Variants in HOMER1 observed in about 807,000 individuals in gnomAD.
HOMER1 encodes homer protein homolog 1.
In HOMER1, 3 loss-of-function variants were observed where a neutral mutation model predicts 48.9. The ratio of observed to expected loss-of-function variants is 0.06; its 90% CI spans 0.03 to 0.16. HOMER1 has a LOEUF of 0.16. Among genes scored for constraint, HOMER1 ranks in the 10% least tolerant of loss-of-function variants. The pLI is 1.00. For synonymous variants in HOMER1, 134 were observed against 146.4 expected (o/e 0.92, Z 0.61); for missense variants, 247 against 411.4 (o/e 0.60, Z 3.46).
intron 8 of HOMER1, 36 bp from the exon 9 acceptor site, chr5:79,376,233 A>G: frequency 6.8e-7 from 1 of 1,463,362 alleles, no homozygotes; most frequent in Middle Eastern, 1.8e-4. Flanking sequence ...ATATATGTCA[A>G]TTCATCACTT....
chr5:79,410,418 G>A (rs1749785852), intron 5 of HOMER1, among the ~76,000 whole-genome samples: 1 of 151,394 alleles, frequency 6.6e-6, no homozygotes, highest in African/African-American at 2.4e-5. Context: ...TTGAACCCAG[G>A]AGGCGGAGGC....
Position 79,512,879 on chromosome 5 carries a change from C to G in HOMER1, c.-105G>C, listed in dbSNP as rs542608832. 3.0e-4 allele frequency: 295 copies of G among 996,868 alleles called. 2 individuals are homozygous for G. The highest frequency in any genetic ancestry group is 1.3e-3 in the South Asian group (101 of 75,560). The allele number at this position is 996,868 out of a possible 1,614,324, so 61.8% of individuals were successfully genotyped here. A position where few individuals can be genotyped will look rare whatever the true frequency, so the allele number is the denominator to read the frequency against. The stretch of plus-strand genomic sequence containing the variant: ...TTTCGCAGTTGCTTTTCCACCCCCA[C>G]CCCCAGATCCTTGTCCGGAGGTATT... On this transcript the variant is annotated 5_prime_UTR_variant, in exon 1 of 9. Transcript: ENST00000334082.
At chr5:79,395,882 T>G (rs1268498643) in intron 8 of HOMER1, among the ~76,000 whole-genome samples, 1 of 152,228 alleles carries the variant, frequency 6.6e-6, no homozygotes, top group Non-Finnish European at 1.5e-5. Flanking sequence ...TCCGATATGT[T>G]GCAAGCACTC....
rs572216177 is a variant in HOMER1 at position 79,426,359 on chromosome 5, A to C, written c.527+12651T>G. On this transcript the variant is annotated intron_variant, in intron 5 of 8. Transcript: ENST00000334082. Reference sequence around the variant, plus strand: ...ACTATTCATAACAGTCAAGACATAGAATCAACCTAAGTGTCCACCAATGAA... The same window carrying C: ...ACTATTCATAACAGTCAAGACATAGCATCAACCTAAGTGTCCACCAATGAA... Among the ~76,000 whole-genome samples the C allele has an allele frequency of 5.3e-5, 8 of 152,246 alleles. No individual in the cohort carries two copies. The South Asian group carries it at 1.7e-3, about 32-fold the overall frequency.
chr5:79,417,201 G>A (rs1462797337), intron 5 of HOMER1, among the ~76,000 whole-genome samples: 1 of 151,506 alleles, frequency 6.6e-6, no homozygotes, highest in Non-Finnish European at 1.5e-5. Flanking sequence ...GGAGTGCAGT[G>A]GTGCAATCTC....
chr5:79,468,132 G>A (rs9654435), intron 1 of HOMER1, among the ~76,000 whole-genome samples: 40,425 of 152,050 alleles, frequency 0.27, 5,500 homozygotes, highest in South Asian at 0.39. Context: ...ACACTATCCA[G>A]TATGGTAGCC....
chr5:79,384,758 A>T (rs1749066540), intron 8 of HOMER1, among the ~76,000 whole-genome samples: 1 of 152,212 alleles, frequency 6.6e-6, no homozygotes, highest in South Asian at 2.1e-4. Context: ...ACAAAATACC[A>T]GCCAACTGAA....
intron 5 of HOMER1, among the ~76,000 whole-genome samples, chr5:79,422,711 G>A (rs1750134610): frequency 6.6e-6 from 1 of 151,704 alleles, no homozygotes; most frequent in African/African-American, 2.4e-5. Flanking sequence ...TTAATGAATA[G>A]ACTTCTATAC....
chr5:79,451,043 G>A lies in HOMER1; in HGVS notation c.241C>T (p.Arg81Trp), dbSNP rs1275225615. The A allele has an allele frequency of 1.9e-6, 3 of 1,613,808 alleles. No homozygotes were observed. Among genetic ancestry groups the A allele is most frequent in the Non-Finnish European group, 2.5e-6 (3 of 1,179,782 alleles). ...SQKFGQWADS[R>W]ANTVYGLGFS... ...CCCAATCCATAAACGGTGTTTGCCC[G>A]GCTATCAGCCCACTGGCCAAACTTC... The change falls in exon 3 of 9, where the codon CGG (arginine) becomes TGG (tryptophan). Residue 81 changes from arginine (R) to tryptophan (W), a missense_variant. By Grantham distance (101) the Arg-to-Trp change is moderately radical. This residue lies in a region of HOMER1 where 38 missense variants were observed against 114.9 expected (regional missense o/e 0.33). Transcript: ENST00000334082.
chr5:79,384,622 G>A (rs1321540466), intron 8 of HOMER1, among the ~76,000 whole-genome samples: 1 of 152,062 alleles, frequency 6.6e-6, no homozygotes, highest in African/African-American at 2.4e-5. Flanking sequence ...TTGAAGAGGA[G>A]GGAACTTTTC....
At chr5:79,473,650 C>A (rs1751681427) in intron 1 of HOMER1, among the ~76,000 whole-genome samples, 2 of 152,080 alleles carry the variant, frequency 1.3e-5, no homozygotes, top group Admixed American at 6.6e-5. Flanking sequence ...TGAAAGAGTT[C>A]TAGAATCTCA....
At chr5:79,438,643 A>G (rs1750658472) in intron 5 of HOMER1, among the ~76,000 whole-genome samples, 1 of 152,152 alleles carries the variant, frequency 6.6e-6, no homozygotes, top group African/African-American at 2.4e-5. Flanking sequence ...CTTCAAGAAC[A>G]TACACAAAAA....
chr5:79,414,136 G>A (rs949860985), intron 5 of HOMER1, among the ~76,000 whole-genome samples: 2 of 152,124 alleles, frequency 1.3e-5, no homozygotes, highest in Admixed American at 6.6e-5. Context: ...TACCCAGGCT[G>A]GAGTGCAGTG....
Position 79,438,995 on chromosome 5 carries a change from G to A in HOMER1, c.527+15C>T. The A allele has an allele frequency of 1.2e-6, 2 of 1,608,864 alleles. No homozygotes were observed. Among genetic ancestry groups the A allele is most frequent in the South Asian group, 2.2e-5 (2 of 90,884 alleles). ...ACACATTTACTTAATCATAATTGCT[G>A]AATTGAATCTGTACCTATGTGAAAA... is the stretch of plus-strand genomic sequence containing the variant. On this transcript the variant is annotated intron_variant, in intron 5 of 8. Coordinates refer to ENST00000334082, the MANE Select transcript of HOMER1 (RefSeq NM_004272.5).
At chr5:79,457,758 A>AT (rs1751212499) in intron 1 of HOMER1, among the ~76,000 whole-genome samples, 1 of 152,144 alleles carries the variant, frequency 6.6e-6, no homozygotes, top group South Asian at 2.1e-4. Flanking sequence ...ATGACACAGT[A>AT]TTTTTCCCTA....
intron 6 of HOMER1, 93 bp downstream of exon 6, chr5:79,401,806 A>C: frequency 8.4e-7 from 1 of 1,187,812 alleles, no homozygotes; most frequent in Non-Finnish European, 1.2e-6. Context: ...CTAGAACTAG[A>C]AGATATCCCT....
chr5:79,466,882 C>G (rs1751479193), intron 1 of HOMER1, among the ~76,000 whole-genome samples: 1 of 152,046 alleles, frequency 6.6e-6, no homozygotes, highest in South Asian at 2.1e-4. Context: ...ACCTCTGCCC[C>G]CTGGATTCAA....
chr5:79,393,889 G>T (rs187435277), intron 8 of HOMER1, among the ~76,000 whole-genome samples: 25 of 152,126 alleles, frequency 1.6e-4, no homozygotes, highest in Non-Finnish European at 2.8e-4. Flanking sequence ...ACAAAAAATG[G>T]TATCTATATC....
chr5:79,388,893 T>C (rs1749181593), intron 8 of HOMER1, among the ~76,000 whole-genome samples: 1 of 151,750 alleles, frequency 6.6e-6, no homozygotes, highest in African/African-American at 2.4e-5. Flanking sequence ...AAATAACACA[T>C]TAGAACAGAA....
Sources: allele counts gnomAD v4.1 joint callset (sites outside exome capture counted in the v4.1 genomes callset), GRCh38; gene constraint gnomAD v4.1.1; regional missense constraint gnomAD v4.1.1; transcripts MANE v1.5; gene names NCBI Gene and HGNC (gene_info 2026-07-23, HGNC 2026-07-21).